ADAMTS17: variants seen among roughly 807,000 people sequenced by gnomAD.
The protein encoded by ADAMTS17 is ADAM metallopeptidase with thrombospondin type 1 motif 17, also known as A disintegrin and metalloproteinase with thrombospondin motifs 17.
A neutral mutation model predicts 141.5 loss-of-function variants in ADAMTS17; 113 were observed. The ratio of observed to expected loss-of-function variants is 0.80; its 90% CI spans 0.69 to 0.93. The LOEUF (loss-of-function observed/expected upper bound fraction) is 0.93. ADAMTS17 is among the 40% of genes least tolerant of loss of function. The pLI is 0.00. For missense variants in ADAMTS17, 1,659 were observed against 1,517.9 expected, an observed-to-expected ratio of 1.09 and a Z score of -1.54; for synonymous variants, 768 against 630.6, an observed-to-expected ratio of 1.22 and a Z score of -3.27.
At chr15:100,274,894 C>T (rs1225080343) in intron 4 of ADAMTS17, among the ~76,000 whole-genome samples, 1 of 151,966 alleles carries the variant, frequency 6.6e-6, no homozygotes, top group Non-Finnish European at 1.5e-5. Context: ...TTTGGGGTTA[C>T]TGTGGGGATT....
At chr15:100,328,235 C>T (rs1213503858) in intron 3 of ADAMTS17, among the ~76,000 whole-genome samples, 2 of 152,124 alleles carry the variant, frequency 1.3e-5, no homozygotes, top group Admixed American at 6.6e-5. Flanking sequence ...GCAGATGTCC[C>T]AGTAAATTAA....
intron 3 of ADAMTS17, among the ~76,000 whole-genome samples, chr15:100,322,721 T>C (rs922248107): frequency 1.3e-5 from 2 of 152,080 alleles, no homozygotes; most frequent in African/African-American, 4.8e-5. Context: ...AGACAGGAAA[T>C]TGCAGCAGAA....
chr15:100,112,144 A>G (rs968856150), intron 13 of ADAMTS17, among the ~76,000 whole-genome samples: 1 of 152,220 alleles, frequency 6.6e-6, no homozygotes, highest in African/African-American at 2.4e-5. Flanking sequence ...AAGGCTGTTT[A>G]TCTGGACTCT....
intron 4 of ADAMTS17, among the ~76,000 whole-genome samples, chr15:100,272,625 T>C (rs2043954802): frequency 7.0e-6 from 1 of 143,730 alleles, no homozygotes; most frequent in Admixed American, 7.0e-5. Context: ...ATGTAATAAA[T>C]ATGTCATCTG....
chr15:100,132,049 C>G lies in ADAMTS17; in HGVS notation c.1679G>C (p.Gly560Ala), dbSNP rs1411333913. Residue 560 changes from glycine to alanine, a missense_variant, in exon 12 of 22, where the codon GGG becomes GCG. Physicochemically the swap from Gly to Ala is moderately conservative, Grantham distance 60 (BLOSUM62 0). Transcript: ENST00000268070. Reference sequence around the variant, plus strand: ...CCTCTGCCTGAAGCGGGCTCCCGTCCCACATGTTCGGCTGCACATGCTCCA... The same window carrying G: ...CCTCTGCCTGAAGCGGGCTCCCGTCGCACATGTTCGGCTGCACATGCTCCA... ...GAWSMCSRTC[G>A]TGARFRQRKC... The G allele has an allele frequency of 1.9e-6, 3 of 1,613,810 alleles. No homozygotes were observed. Among genetic ancestry groups the G allele is most frequent in the Non-Finnish European group, 2.5e-6 (3 of 1,179,796 alleles).
At chr15:100,217,684 T>TA (rs2042011394) in intron 7 of ADAMTS17, among the ~76,000 whole-genome samples, 1 of 152,330 alleles carries the variant, frequency 6.6e-6, no homozygotes, top group Admixed American at 6.5e-5. Flanking sequence ...GTACAAGTGA[T>TA]AAAAAATGAC....
At chr15:100,223,458 T>G (rs1174995005) in intron 7 of ADAMTS17, among the ~76,000 whole-genome samples, 1 of 152,124 alleles carries the variant, frequency 6.6e-6, no homozygotes, top group Non-Finnish European at 1.5e-5. Context: ...CAAAGTGCTC[T>G]CTCTCTCTAT....
Position 100,261,341 on chromosome 15 carries a change from A to T in ADAMTS17, c.1031+138T>A, listed in dbSNP as rs145833357. 8.6e-3 allele frequency: 9,699 copies of T among 1,122,046 alleles called. 55 individuals are homozygous for T. The highest frequency in any genetic ancestry group is 0.01 in the Non-Finnish European group (8,112 of 774,064). The allele number at this position is 1,122,046 out of a possible 1,614,324, so 69.5% of individuals were successfully genotyped here. ...TACCACCGTTAACCCCCACTTACTA[A>T]TGAGGAAACCAAAACCCAGACAGGT... is the stretch of plus-strand genomic sequence containing the variant. On this transcript the variant is annotated intron_variant, in intron 6 of 21. Coordinates refer to ENST00000268070, the MANE Select transcript of ADAMTS17 (RefSeq NM_139057.4).
At chr15:100,330,743 G>T in intron 3 of ADAMTS17, 146 bp downstream of exon 3, 1 of 990,474 alleles carries the variant, frequency 1.0e-6, no homozygotes, top group Non-Finnish European at 1.5e-6. Flanking sequence ...GAAAGGAAAA[G>T]GAAGTGGTCT....
chr15:100,090,930 C>T (rs1228935860), intron 15 of ADAMTS17, among the ~76,000 whole-genome samples: 1 of 148,528 alleles, frequency 6.7e-6, no homozygotes, highest in African/African-American at 2.5e-5. Context: ...ATAGCTTGAA[C>T]CCGGGAGGCG....
intron 3 of ADAMTS17, among the ~76,000 whole-genome samples, chr15:100,319,793 G>A (rs930284074): frequency 1.7e-4 from 26 of 151,676 alleles, no homozygotes; most frequent in East Asian, 5.8e-4. Context: ...GGTGGGGCGC[G>A]GTGGCTCACA....
At chr15:100,296,899 T>C (rs2044841810) in intron 3 of ADAMTS17, among the ~76,000 whole-genome samples, 1 of 152,242 alleles carries the variant, frequency 6.6e-6, no homozygotes, top group Non-Finnish European at 1.5e-5. Flanking sequence ...TGCTAGGTAC[T>C]GCCACAATGT....
At chr15:100,003,498 A>G (rs2060972180) in intron 18 of ADAMTS17, among the ~76,000 whole-genome samples, 1 of 151,788 alleles carries the variant, frequency 6.6e-6, no homozygotes. Flanking sequence ...TCAGTTTTAA[A>G]CTCTATCATC....
rs543810007 is a variant in ADAMTS17, at chr15:100,082,859, C to T, written c.2137+13497G>A. 1.4e-3 allele frequency among the ~76,000 whole-genome samples: 212 copies of T among 150,882 alleles called. 1 individual carries two copies. The highest frequency in any genetic ancestry group is 5.0e-3 in the African/African-American group (204 of 41,036). On this transcript the variant is annotated intron_variant, in intron 15 of 21. Transcript: ENST00000268070. ...AGGAGGCTGCAGCTGGGTGGTCTCC[C>T]GTGGGGATGCGCAGGGTTTGCTTAC...
At chr15:100,098,854 G>A (rs1350418171) in intron 14 of ADAMTS17, among the ~76,000 whole-genome samples, 1 of 152,168 alleles carries the variant, frequency 6.6e-6, no homozygotes, top group Non-Finnish European at 1.5e-5. Flanking sequence ...TGCCCACAGA[G>A]CTGGTCTCTC....
At chr15:100,219,701 G>C (rs546236054) in intron 7 of ADAMTS17, among the ~76,000 whole-genome samples, 1 of 152,190 alleles carries the variant, frequency 6.6e-6, no homozygotes, top group Admixed American at 6.5e-5. Flanking sequence ...CAAGGAGAAA[G>C]CACAACAGCA....
At chr15:100,176,908 T>C (rs2040358535) in intron 8 of ADAMTS17, among the ~76,000 whole-genome samples, 1 of 152,274 alleles carries the variant, frequency 6.6e-6, no homozygotes, top group Non-Finnish European at 1.5e-5. Context: ...TGGTGTAATT[T>C]CCTTGAGGTT....
At chr15:100,279,635 C>A (rs1352173407) in intron 4 of ADAMTS17, among the ~76,000 whole-genome samples, 3 of 152,228 alleles carry the variant, frequency 2.0e-5, no homozygotes, top group Non-Finnish European at 4.4e-5. Context: ...TGATAAGCAG[C>A]AGACTGAAAG....
intron 18 of ADAMTS17, among the ~76,000 whole-genome samples, chr15:100,043,134 G>C (rs1052439225): frequency 1.3e-5 from 2 of 152,290 alleles, no homozygotes; most frequent in African/African-American, 2.4e-5. Flanking sequence ...TTAAGAAAAA[G>C]TACAAGGTCA....
Sources: gnomAD v4.1 joint callset for allele counts (sites outside exome capture counted in the v4.1 genomes callset) on GRCh38, gnomAD v4.1.1 for gene constraint, MANE v1.5 for transcripts, NCBI Gene and HGNC (gene_info 2026-07-23, HGNC 2026-07-21) for gene names.